The following TENT4A variants were observed in gnomAD, a reference collection of about 807,000 sequenced individuals.
TENT4A encodes the protein DNA polymerase kappa.
Under a neutral mutation model 72.8 loss-of-function variants are expected in TENT4A, and 7 were observed. That is an observed-to-expected ratio of 0.10 (90% CI 0.05 to 0.18). The LOEUF (loss-of-function observed/expected upper bound fraction) is 0.18, where lower values mean the gene tolerates loss of function less well. TENT4A is among the 10% of genes least tolerant of loss of function. TENT4A has a pLI of 1.00. For missense variants in TENT4A, 831 were observed against 1,017.7 expected (o/e 0.82, Z 2.50); for synonymous variants, 456 against 434.3 (o/e 1.05, Z -0.62).
At chr5:6,716,704 T>C (rs1163888105) in intron 1 of TENT4A, among the ~76,000 whole-genome samples, 1 of 152,182 alleles carries the variant, frequency 6.6e-6, no homozygotes, top group Non-Finnish European at 1.5e-5. Context: ...CAGATGCCCC[T>C]AGGTCCTGGC....
Position 6,746,431 on chromosome 5 carries a change from A to G in TENT4A, c.1459+4A>G, listed in dbSNP as rs780200279. On this transcript the variant is annotated splice_donor_region_variant and intron_variant, in intron 7 of 12. Transcript: ENST00000230859. ...ATTGAGGACCCCCTGCTGCCAGGTA[A>G]GGGCGCCCTGATCTCCACTGCTGAG... 1.2e-6 allele frequency: 2 copies of G among 1,613,858 alleles called. No homozygotes were observed. The highest frequency in any genetic ancestry group is 1.7e-6 in the Non-Finnish European group (2 of 1,179,878).
At chr5:6,731,746 A>G (rs1408537401) in intron 1 of TENT4A, among the ~76,000 whole-genome samples, 1 of 151,992 alleles carries the variant, frequency 6.6e-6, no homozygotes, top group East Asian at 1.9e-4. Flanking sequence ...GGGCATGTTC[A>G]TTTTCGTGAC....
chr5:6,750,075 C>T (rs760243218), intron 9 of TENT4A, among the ~76,000 whole-genome samples: 31 of 152,198 alleles, frequency 2.0e-4, no homozygotes, highest in Non-Finnish European at 3.4e-4. Context: ...GTAAAAAATA[C>T]TTGATCTATA....
chr5:6,746,167 G>T, intron 6 of TENT4A, 47 bp from the exon 7 acceptor site: 1 of 1,613,554 alleles, frequency 6.2e-7, no homozygotes, highest in South Asian at 1.1e-5. Context: ...ATTTTCTTTA[G>T]AACATGCCAT....
intron 1 of TENT4A, among the ~76,000 whole-genome samples, chr5:6,716,063 CAGGA>C (rs1481702105): frequency 6.6e-6 from 1 of 152,136 alleles, no homozygotes; most frequent in African/African-American, 2.4e-5. Flanking sequence ...CTAGAAAAAA[CAGGA>C]AGACACGTGG....
Position 6,737,498 on chromosome 5 carries a change from T to C in TENT4A, c.717-12T>C. The C allele has an allele frequency of 6.2e-7, 1 of 1,603,810 alleles. No individual in the cohort carries two copies. The highest frequency in any genetic ancestry group is 8.5e-7 in the Non-Finnish European group (1 of 1,174,344). On this transcript the variant is annotated splice_polypyrimidine_tract_variant and intron_variant, in intron 1 of 12. Coordinates refer to ENST00000230859, the MANE Select transcript of TENT4A (RefSeq NM_006999.6). ...ATTGTAACTCTAGTATGTTTTCTTT[T>C]TTGTCCATTAGACTACATGAGGAAA...
rs1309331790 is a variant in TENT4A at position 6,713,890 on chromosome 5, C to T, written c.-94C>T. 7 of 321,658 alleles carry T rather than the reference C, an allele frequency of 2.2e-5. No individual in the cohort carries two copies. In the Admixed American group the frequency reaches 4.0e-4, roughly 19 times the overall value. 19.9% of individuals were successfully genotyped at this position (321,658 alleles called of 1,614,324 possible). A position where few individuals can be genotyped will look rare whatever the true frequency, so the allele number is the denominator to read the frequency against. On this transcript the variant is annotated 5_prime_UTR_variant, in exon 1 of 13. Transcript: ENST00000230859. ...CGCCACCGGCCCAGGCCCGTCCGTC[C>T]GTCCGTGCGCGCGCGGCCGGGCCTC... is the stretch of plus-strand genomic sequence containing the variant.
At chr5:6,725,764 C>T (rs1190262680) in intron 1 of TENT4A, among the ~76,000 whole-genome samples, 1 of 152,026 alleles carries the variant, frequency 6.6e-6, no homozygotes, top group Non-Finnish European at 1.5e-5. Flanking sequence ...ACTGTAGGAC[C>T]TCTCTCTCTA....
intron 1 of TENT4A, among the ~76,000 whole-genome samples, chr5:6,716,027 T>A (rs1006227412): frequency 1.3e-5 from 2 of 152,150 alleles, no homozygotes; most frequent in Non-Finnish European, 2.9e-5. Context: ...GTTATGTAAC[T>A]GGAATGGACT....
chr5:6,747,274 G>T (rs971319443), intron 7 of TENT4A, among the ~76,000 whole-genome samples: 7 of 152,192 alleles, frequency 4.6e-5, no homozygotes, highest in Non-Finnish European at 1.0e-4. Context: ...CCTCTGTGTG[G>T]CTCTGTGTGC....
At chr5:6,742,752 AG>A (rs1741874155) in intron 5 of TENT4A, among the ~76,000 whole-genome samples, 155 bp downstream of exon 5, 1 of 152,206 alleles carries the variant, frequency 6.6e-6, no homozygotes. Context: ...TTATTTCTAG[AG>A]ATACTTTGAA....
intron 1 of TENT4A, among the ~76,000 whole-genome samples, chr5:6,716,569 A>G (rs1403601325): frequency 6.6e-6 from 1 of 152,114 alleles, no homozygotes; most frequent in Admixed American, 6.5e-5. Flanking sequence ...TAATGGGGCA[A>G]TCTTCTCTGC....
chr5:6,733,605 G>C (rs566132490), intron 1 of TENT4A, among the ~76,000 whole-genome samples: 1 of 152,356 alleles, frequency 6.6e-6, no homozygotes, highest in Non-Finnish European at 1.5e-5. Context: ...CCTGCCAGCT[G>C]TAAATTCCCT....
chr5:6,715,624 T>TG (rs1740336828), intron 1 of TENT4A, among the ~76,000 whole-genome samples: 1 of 152,222 alleles, frequency 6.6e-6, no homozygotes, highest in Admixed American at 6.5e-5. Flanking sequence ...TGCTGGGGTA[T>TG]GAGGGTTGTT....
intron 1 of TENT4A, among the ~76,000 whole-genome samples, chr5:6,726,999 G>A (rs1185570432): frequency 6.6e-6 from 1 of 152,034 alleles, no homozygotes; most frequent in African/African-American, 2.4e-5. Context: ...TTAGTACATG[G>A]GCTCTGCCTA....
At chr5:6,744,492 A>G (rs1354290188) in intron 6 of TENT4A, among the ~76,000 whole-genome samples, 8 of 152,236 alleles carry the variant, frequency 5.3e-5, no homozygotes, top group Admixed American at 4.6e-4. Flanking sequence ...TCTTGCCTAT[A>G]TAATTTAGCC....
Position 6,729,066 on chromosome 5 carries a change from T to C in TENT4A, c.717-8444T>C, listed in dbSNP as rs77091347. 1.9e-4 allele frequency among the ~76,000 whole-genome samples: 29 copies of C among 152,346 alleles called. No individual in the cohort carries two copies. The East Asian group carries it at 5.6e-3, about 29-fold the overall frequency. Reference sequence around the variant, plus strand: ...AGATAGATGTACACAATTTTCTGAATAATTGGAGTTATATTTACATCTTTT... The same window carrying C: ...AGATAGATGTACACAATTTTCTGAACAATTGGAGTTATATTTACATCTTTT... On this transcript the variant is annotated intron_variant, in intron 1 of 12. Coordinates refer to ENST00000230859, the MANE Select transcript of TENT4A (RefSeq NM_006999.6).
At chr5:6,728,593 G>T (rs563708652) in intron 1 of TENT4A, among the ~76,000 whole-genome samples, 3 of 152,218 alleles carry the variant, frequency 2.0e-5, no homozygotes, top group Non-Finnish European at 4.4e-5. Context: ...CTTCATGGCC[G>T]CAGGGGCCTT....
At chr5:6,731,230 G>A (rs1243391038) in intron 1 of TENT4A, among the ~76,000 whole-genome samples, 1 of 152,240 alleles carries the variant, frequency 6.6e-6, no homozygotes, top group African/African-American at 2.4e-5. Context: ...TTTGAAGGAA[G>A]AGTTGGAGGA....
Sources: gnomAD v4.1 joint callset for allele counts (sites outside exome capture counted in the v4.1 genomes callset) on GRCh38, gnomAD v4.1.1 for gene constraint, MANE v1.5 for transcripts, NCBI Gene and HGNC (gene_info 2026-07-23, HGNC 2026-07-21) for gene names.